Variants in MTCL1 observed in about 807,000 individuals in gnomAD.
MTCL1 encodes the protein microtubule crosslinking factor 1, also known as microtubule cross-linking factor 1.
MTCL1 carries 79 observed loss-of-function variants against 141.4 expected under a neutral mutation model. The ratio of observed to expected loss-of-function variants is 0.56; its 90% CI spans 0.47 to 0.67. The LOEUF is 0.67. MTCL1 is among the 30% of genes least tolerant of loss of function. The probability of loss-of-function intolerance (pLI) is 0.00; values close to 1 mark genes in which losing one functional copy is unlikely to be tolerated. For missense variants in MTCL1, 2,177 were observed against 2,113.9 expected (o/e 1.03, Z -0.59); for synonymous variants, 914 against 875.8 (o/e 1.04, Z -0.77).
chr18:8,777,374 A>G (rs1443344449), intron 4 of MTCL1, among the ~76,000 whole-genome samples: 1 of 152,254 alleles, frequency 6.6e-6, no homozygotes, highest in African/African-American at 2.4e-5. Context: ...GATTATAGGC[A>G]TGAGCCACTG....
intron 7 of MTCL1, among the ~76,000 whole-genome samples, chr18:8,791,442 T>G (rs1204261735): frequency 6.7e-6 from 1 of 148,410 alleles, no homozygotes; most frequent in African/African-American, 2.5e-5. Context: ...CCATACTAGA[T>G]CCATAGATAA....
chr18:8,785,992 G>A, exon 7 of MTCL1: 12 of 1,607,680 alleles, frequency 7.5e-6, no homozygotes, highest in Non-Finnish European at 9.3e-6. Context: ...GGGACGAGCG[G>A]GAGAGCCTGC....
At chr18:8,731,895 G>C (rs2148870141) in intron 4 of MTCL1, among the ~76,000 whole-genome samples, 1 of 151,790 alleles carries the variant, frequency 6.6e-6, no homozygotes, top group South Asian at 2.1e-4. Flanking sequence ...TTTCAGTAGA[G>C]ACGGGGTTTC....
intron 2 of MTCL1, 58 bp from the exon 2 acceptor site, chr18:8,718,353 TATGAAGGAGAGAC>T (rs1165829824): frequency 7.1e-7 from 1 of 1,405,496 alleles, no homozygotes; most frequent in African/African-American, 1.4e-5. Context: ...GAGGAGCGGG[TATGAAGGAGAGAC>T]ATGCCATCCT....
chr18:8,816,015 AC>A (rs1408109797), intron 12 of MTCL1, among the ~76,000 whole-genome samples: 4 of 152,336 alleles, frequency 2.6e-5, no homozygotes, highest in Non-Finnish European at 5.9e-5. Context: ...AAAATATTAA[AC>A]ATTTTTAAAG....
intron 4 of MTCL1, among the ~76,000 whole-genome samples, chr18:8,721,361 C>T (rs1302263944): frequency 2.0e-5 from 3 of 152,208 alleles, no homozygotes; most frequent in African/African-American, 4.8e-5. Context: ...TGGTTCCGGC[C>T]TGCATGGGCT....
At chr18:8,771,503 A>G (rs2143045629) in intron 4 of MTCL1, among the ~76,000 whole-genome samples, 1 of 152,290 alleles carries the variant, frequency 6.6e-6, no homozygotes, top group Non-Finnish European at 1.5e-5. Flanking sequence ...AATTTACAGC[A>G]TCCTAATTTT....
chr18:8,773,112 TAGA>T (rs1334366718), intron 4 of MTCL1, among the ~76,000 whole-genome samples: 2 of 152,198 alleles, frequency 1.3e-5, no homozygotes, highest in African/African-American at 4.8e-5. Context: ...CTCACGATGA[TAGA>T]AGGTGCGGTG....
chr18:8,820,088 T>C (rs565709164), intron 13 of MTCL1, among the ~76,000 whole-genome samples: 14 of 152,238 alleles, frequency 9.2e-5, no homozygotes, highest in African/African-American at 3.4e-4. Flanking sequence ...GTTTTTCTGG[T>C]TTTAATATTT....
intron 10 of MTCL1, chr18:8,802,425 G>A (rs774875870): frequency 6.6e-6 from 1 of 152,186 alleles, no homozygotes; most frequent in African/African-American, 2.4e-5. Flanking sequence ...AGTCGGTGGT[G>A]GTTTAGCTCT....
At chr18:8,709,055 A>G (rs1015075119) in intron 1 of MTCL1, among the ~76,000 whole-genome samples, 5 of 152,214 alleles carry the variant, frequency 3.3e-5, no homozygotes, top group African/African-American at 2.4e-5. Flanking sequence ...GCCTGCCCAC[A>G]TGTGCAAAAT....
rs557406889 is a variant in MTCL1 at position 8,803,088 on chromosome 18, C to T, written c.2437-3805C>T. Among the ~76,000 whole-genome samples, 11 of 151,446 alleles carry T rather than the reference C, an allele frequency of 7.3e-5. No homozygotes were observed. The East Asian group carries it at 2.1e-3, about 29-fold the overall frequency. ...GTATTCTCTCAGGATGACTCACTAT[C>T]ATTAATTTCCCTTGATAGGGGAAAT... is the stretch of plus-strand genomic sequence containing the variant. On this transcript the variant is annotated intron_variant, in intron 10 of 16. Coordinates refer to ENST00000359865, the Ensembl canonical transcript of MTCL1.
intron 13 of MTCL1, among the ~76,000 whole-genome samples, chr18:8,819,828 C>G (rs1400341535): frequency 1.3e-5 from 2 of 152,142 alleles, no homozygotes; most frequent in Non-Finnish European, 2.9e-5. Flanking sequence ...CCAAGCTGGT[C>G]TCGAACTCCT....
chr18:8,782,501 T>G (rs1274579439), intron 5 of MTCL1: 1 of 152,166 alleles, frequency 6.6e-6, no homozygotes, highest in Non-Finnish European at 1.5e-5. Flanking sequence ...GCGTTGACTT[T>G]CCACTGGACC....
At chr18:8,733,042 T>C (rs1300281316) in intron 4 of MTCL1, among the ~76,000 whole-genome samples, 2 of 152,334 alleles carry the variant, frequency 1.3e-5, no homozygotes, top group East Asian at 1.9e-4. Flanking sequence ...GTGTACTGTT[T>C]AGCACTCAAC....
chr18:8,705,606 CCGCCGTCGTCGT>C, upstream of MTCL1: 1 of 1,198,816 alleles, frequency 8.3e-7, no homozygotes, highest in Non-Finnish European at 1.0e-6. This position sits in a 1 kb window ranked among gnomAD's most constrained non-coding sequence, Gnocchi z 5.2. Flanking sequence ...GCCGCCGCCG[CCGCCGTCGTCGT>C]CCGGAGCATC....
intron 7 of MTCL1, chr18:8,789,422 G>A: frequency 1.0e-6 from 1 of 985,448 alleles, no homozygotes; most frequent in Non-Finnish European, 1.2e-6. Flanking sequence ...TGATGGCCAT[G>A]AAAAGCCTTC....
intron 4 of MTCL1, among the ~76,000 whole-genome samples, chr18:8,727,267 G>A (rs1205524131): frequency 6.6e-6 from 1 of 152,198 alleles, no homozygotes; most frequent in East Asian, 1.9e-4. Context: ...AAACACATGA[G>A]TGTAGGTATT....
At chr18:8,825,739 C>T (rs1315716566) in exon 15 of MTCL1, 6 of 1,614,134 alleles carry the variant, frequency 3.7e-6, no homozygotes, top group South Asian at 2.2e-5. Flanking sequence ...AATAACAGGA[C>T]GTCACCAGGG....
Sources: allele counts gnomAD v4.1 joint callset (sites outside exome capture counted in the v4.1 genomes callset), GRCh38; gene constraint gnomAD v4.1.1; non-coding constraint Gnocchi (gnomAD v3.1); transcripts MANE v1.5; gene names NCBI Gene and HGNC (gene_info 2026-07-23, HGNC 2026-07-21).